Variants in DRP2 observed in about 807,000 individuals in gnomAD.
The protein encoded by DRP2 is dystrophin-related protein 2.
Under a neutral mutation model 78.2 loss-of-function variants are expected in DRP2, and 29 were observed. That is an observed-to-expected ratio of 0.37 (90% CI 0.28 to 0.51). DRP2 has a LOEUF of 0.51. Ranked by LOEUF, DRP2 falls within the 20% of genes least tolerant of loss-of-function variation. DRP2 has a pLI of 0.94. For synonymous variants in DRP2, 290 were observed against 281.9 expected (o/e 1.03, Z -0.29); for missense variants, 686 against 770.6 (o/e 0.89, Z 1.30).
In DRP2 at chrX:101,235,999, T is replaced by G. The variant is rs1352602157; in HGVS notation, c.257T>G (p.Ile86Arg). 2 of 1,211,560 alleles carry G rather than the reference T, an allele frequency of 1.7e-6. No individual in the cohort carries two copies. The highest frequency in any genetic ancestry group is 2.2e-6 in the Non-Finnish European group (2 of 895,451). Residue 86 changes from isoleucine to arginine, a missense_variant, in exon 4 of 24, where the codon ATA (isoleucine) becomes AGA (arginine). Coordinates refer to ENST00000395209, the MANE Select transcript of DRP2 (RefSeq NM_001939.3). ...PPAMNLCWNE[I>R]KKKSHNLRAR... The stretch of plus-strand genomic sequence containing the variant: ...GCCATGAATCTGTGTTGGAATGAAA[T>G]AAAAAAGAAGTCTCACAACCTCCGG...
chrX:101,256,169 G>A lies in DRP2; in HGVS notation c.2298G>A (p.Glu766=), dbSNP rs775130803. 8.3e-7 allele frequency: 1 copy of A among 1,208,190 alleles called. No homozygotes were observed. The highest frequency in any genetic ancestry group is 1.1e-6 in the Non-Finnish European group (1 of 893,893). The change falls in exon 21 of 24, where the codon GAG becomes GAA. Residue 766 remains glutamate, a synonymous_variant. Transcript: ENST00000395209. ...LRHSSPITDR[E]PAFGQQAPCS... ...ACTCCAGCCCCATCACAGACCGGGA[G>A]CCAGCCTTTGGACAGCAGGCTCCAT...
chrX:101,237,873 C>G, intron 5 of DRP2, 98 bp downstream of exon 5: 1 of 873,248 alleles, frequency 1.1e-6, no homozygotes. Context: ...GCTGAGACAC[C>G]TAAATGAATA....
chrX:101,248,644 A>G, intron 14 of DRP2, 45 bp downstream of exon 14: 1 of 1,103,212 alleles, frequency 9.1e-7, no homozygotes, highest in East Asian at 3.0e-5. Flanking sequence ...GTAGAGGGAA[A>G]GGTGTTGCAG....
intron 21 of DRP2, among the ~76,000 whole-genome samples, chrX:101,256,552 A>ATT (rs61273526): frequency 1.3e-4 from 13 of 98,317 alleles, no homozygotes; most frequent in African/African-American, 4.8e-4. Flanking sequence ...AAACTTTTAA[A>ATT]TTTTTTTTTT....
intron 3 of DRP2, among the ~76,000 whole-genome samples, chrX:101,232,838 T>C (rs1221959992): frequency 1.8e-5 from 2 of 112,389 alleles, no homozygotes; most frequent in Non-Finnish European, 3.8e-5. Flanking sequence ...ACCCTGTTCA[T>C]TGTCTACCCC....
intron 4 of DRP2, among the ~76,000 whole-genome samples, chrX:101,236,523 C>T (rs139882707): frequency 0.01 from 1,131 of 111,858 alleles, 17 homozygotes; most frequent in African/African-American, 0.035. Context: ...CCTATTTCTC[C>T]CCAAACTAAG....
In DRP2 at chrX:101,250,967, C is replaced by T; in HGVS notation, c.1749C>T (p.Asn583=). The T allele has an allele frequency of 8.3e-7, 1 of 1,211,810 alleles. No individual in the cohort carries two copies. Among genetic ancestry groups the T allele is most frequent in the East Asian group, 3.0e-5 (1 of 33,833 alleles). ...IEASQFLEWV[N]LEPQSMVWLA... ...CATCCCAGTTCCTGGAGTGGGTCAA[C>T]CTGGAGCCCCAGTCCATGGTGTGGC... The change falls in exon 16 of 24, where the codon AAC becomes AAT. Residue 583 remains asparagine (N), a synonymous_variant. Transcript: ENST00000395209.
intron 2 of DRP2, among the ~76,000 whole-genome samples, chrX:101,225,733 A>G (rs1922096463): frequency 9.0e-6 from 1 of 111,648 alleles, no homozygotes; most frequent in African/African-American, 3.3e-5. Context: ...TAAATAGGTA[A>G]TGTGTTCACA....
At position 101,242,450 on chromosome X, in the gene DRP2, C is replaced by A; in HGVS notation, c.954C>A (p.Asn318Lys). 8.3e-7 allele frequency: 1 copy of A among 1,209,659 alleles called. No homozygotes were observed. Among genetic ancestry groups the A allele is most frequent in the Non-Finnish European group, 1.1e-6 (1 of 894,910 alleles). Residue 318 changes from asparagine (N) to lysine (K), a missense_variant, in exon 8 of 24, where the codon AAC becomes AAA. Physicochemically the swap from Asn to Lys is moderately conservative, Grantham distance 94. Transcript: ENST00000395209. ...MENSQALEQI[N>K]VRWKQLQASV... The stretch of plus-strand genomic sequence containing the variant: ...ATTCCCAGGCCCTGGAACAGATCAA[C>A]GTCCGATGGAAACAACTACAGGTAG...
intron 6 of DRP2, among the ~76,000 whole-genome samples, 194 bp from the exon 7 acceptor site, chrX:101,241,474 T>TA (rs200908628): frequency 2.9e-3 from 317 of 110,078 alleles, no homozygotes; most frequent in African/African-American, 9.7e-3. Context: ...AGTTTTTTTT[T>TA]AAAAAAAACG....
At chrX:101,255,775 G>C (rs1294331588) in intron 20 of DRP2, among the ~76,000 whole-genome samples, 1 of 107,364 alleles carries the variant, frequency 9.3e-6, no homozygotes, top group Non-Finnish European at 1.9e-5. Flanking sequence ...GCCCTGACTG[G>C]GACCCAGATC....
intron 2 of DRP2, among the ~76,000 whole-genome samples, chrX:101,227,836 T>C (rs933244423): frequency 1.3e-4 from 15 of 111,899 alleles, no homozygotes; most frequent in Non-Finnish European, 2.1e-4. Context: ...TATCTTAGTT[T>C]TGTTTTGTGA....
In DRP2 at chrX:101,263,759, T is replaced by G. The variant is rs1241493492; in HGVS notation, c.*3138T>G. ...AGAAATCTGTTTGAGTTTCTGGTGC[T>G]CCAGGAAATGGGTTGGCAGGACACA... On this transcript the variant is annotated 3_prime_UTR_variant, in exon 24 of 24. Transcript: ENST00000395209. 3.6e-5 allele frequency: 4 copies of G among 112,024 alleles called. No homozygotes were observed. The highest frequency in any genetic ancestry group is 5.6e-5 in the Non-Finnish European group (3 of 53,215). The allele number at this position is 112,024 out of a possible 1,213,427, so 9.2% of individuals were successfully genotyped here.
At chrX:101,244,350 T>G (rs995063736) in intron 9 of DRP2, among the ~76,000 whole-genome samples, 1 of 111,926 alleles carries the variant, frequency 8.9e-6, no homozygotes, top group Non-Finnish European at 1.9e-5. Flanking sequence ...TGGCACATAG[T>G]AGGAGCTCAG....
chrX:101,256,540 GA>G (rs1319712563), intron 21 of DRP2, among the ~76,000 whole-genome samples: 3 of 88,783 alleles, frequency 3.4e-5, no homozygotes, highest in Non-Finnish European at 6.9e-5. Flanking sequence ...ATAATTATTT[GA>G]AAACTTTTAA....
At chrX:101,223,290 T>C (rs1220087425) in intron 1 of DRP2, among the ~76,000 whole-genome samples, 1 of 112,210 alleles carries the variant, frequency 8.9e-6, no homozygotes, top group Non-Finnish European at 1.9e-5. Context: ...CATGAGCCAC[T>C]GCACCTGCCT....
intron 2 of DRP2, among the ~76,000 whole-genome samples, chrX:101,226,162 A>G (rs1602907207): frequency 8.9e-6 from 1 of 112,143 alleles, no homozygotes; most frequent in Non-Finnish European, 1.9e-5. Context: ...TTGTATTGGC[A>G]TATAAAGAGT....
intron 2 of DRP2, 101 bp from the exon 3 acceptor site, chrX:101,231,484 A>T: frequency 3.8e-6 from 2 of 530,225 alleles, no homozygotes; most frequent in Non-Finnish European, 6.8e-6. Context: ...GTAAGTTTTG[A>T]ATACTTATTT....
chrX:101,252,588 A>C lies in DRP2; in HGVS notation c.1866-17A>C, dbSNP rs1372195029. The C allele has an allele frequency of 8.4e-7, 1 of 1,196,417 alleles. No individual in the cohort carries two copies. The highest frequency in any genetic ancestry group is 1.1e-6 in the Non-Finnish European group (1 of 882,086). On this transcript the variant is annotated splice_polypyrimidine_tract_variant and intron_variant, in intron 16 of 23. Transcript: ENST00000395209. ...CACGTTGGACTCTCTTTCCTACTAC[A>C]TCTCCTCTCCCCCAAGGTACCGGAG...
Sources: gnomAD v4.1 joint callset for allele counts (sites outside exome capture counted in the v4.1 genomes callset) on GRCh38, gnomAD v4.1.1 for gene constraint, MANE v1.5 for transcripts, NCBI Gene and HGNC (gene_info 2026-07-23, HGNC 2026-07-21) for gene names.